KANK1: variants seen among roughly 807,000 people sequenced by gnomAD.
KANK1 encodes KN motif and ankyrin repeat domains 1, also known as KN motif and ankyrin repeat domain-containing protein 1.
Under a neutral mutation model 106.2 loss-of-function variants are expected in KANK1, and 109 were observed. That is an observed-to-expected ratio of 1.03 (90% CI 0.88 to 1.20). The LOEUF is 1.20. KANK1 is among the 50% of genes most tolerant of loss of function. The probability of loss-of-function intolerance (pLI) is 0.00; values close to 1 mark genes in which losing one functional copy is unlikely to be tolerated. For synonymous variants in KANK1, 873 were observed against 652.2 expected (o/e 1.34, Z -5.16); for missense variants, 2,399 against 1,710.7 (o/e 1.40, Z -7.10).
chr9:698,392 A>G (rs1385809807), intron 2 of KANK1, among the ~76,000 whole-genome samples: 1 of 152,120 alleles, frequency 6.6e-6, no homozygotes, highest in Non-Finnish European at 1.5e-5. Flanking sequence ...CGTCCTTCCC[A>G]GGTTAGATTT....
At chr9:706,862 T>G in intron 2 of KANK1, 1 of 985,482 alleles carries the variant, frequency 1.0e-6, no homozygotes, top group Non-Finnish European at 1.2e-6. Flanking sequence ...GGACACAGAC[T>G]CTTTCATGAA....
At chr9:695,807 G>A (rs993836451) in intron 2 of KANK1, among the ~76,000 whole-genome samples, 1 of 152,088 alleles carries the variant, frequency 6.6e-6, no homozygotes, top group Non-Finnish European at 1.5e-5. Context: ...CTAATTTGCC[G>A]ACAGCTGCAA....
At chr9:584,723 G>C (rs951785323) in intron 1 of KANK1, among the ~76,000 whole-genome samples, 2 of 152,202 alleles carry the variant, frequency 1.3e-5, no homozygotes, top group Non-Finnish European at 2.9e-5. Flanking sequence ...AAGGCGGGAA[G>C]GGTTTGCAGT....
intron 1 of KANK1, among the ~76,000 whole-genome samples, chr9:661,440 C>G (rs1433369555): frequency 6.6e-6 from 1 of 152,108 alleles, no homozygotes; most frequent in Non-Finnish European, 1.5e-5. Flanking sequence ...CATGTCCCTA[C>G]AAAGGACATG....
At chr9:598,729 C>G (rs987978301) in intron 1 of KANK1, among the ~76,000 whole-genome samples, 3 of 134,474 alleles carry the variant, frequency 2.2e-5, no homozygotes, top group African/African-American at 8.2e-5. Flanking sequence ...CTCCTGGGTT[C>G]AAGCGATTCT....
intron 3 of KANK1, among the ~76,000 whole-genome samples, chr9:727,951 G>C (rs1831176382): frequency 6.6e-6 from 1 of 152,088 alleles, no homozygotes; most frequent in South Asian, 2.1e-4. Context: ...TTCAGGCCAT[G>C]ATGGGAAGGA....
intron 1 of KANK1, among the ~76,000 whole-genome samples, chr9:675,225 G>A (rs1224610438): frequency 1.3e-5 from 2 of 152,038 alleles, no homozygotes; most frequent in Non-Finnish European, 2.9e-5. Flanking sequence ...TGAATATTTT[G>A]CCTTATTAAA....
At chr9:727,477 C>T (rs536615633) in intron 3 of KANK1, among the ~76,000 whole-genome samples, 1 of 151,810 alleles carries the variant, frequency 6.6e-6, no homozygotes, top group African/African-American at 2.4e-5. Context: ...CCACCATGCC[C>T]AGCTAATTTT....
intron 1 of KANK1, among the ~76,000 whole-genome samples, chr9:540,084 G>C (rs944319850): frequency 6.6e-6 from 1 of 152,172 alleles, no homozygotes; most frequent in African/African-American, 2.4e-5. Flanking sequence ...AATAGAAGTG[G>C]TTAAGAGTGG....
intron 1 of KANK1, 70 bp downstream of exon 1, chr9:504,824 A>C (rs2058665595): frequency 1.2e-5 from 1 of 80,540 alleles, no homozygotes; most frequent in East Asian, 8.2e-4. Flanking sequence ...CGAGGCCCCT[A>C]CCCCTGCCTC....
At chr9:663,305 C>A (rs62530114) in intron 1 of KANK1, among the ~76,000 whole-genome samples, 18,158 of 152,174 alleles carry the variant, frequency 0.12, 1,468 homozygotes, top group Admixed American at 0.16. Context: ...TTAGTTGAAA[C>A]TACCAGCAGT....
At chr9:744,792 C>A in intron 11 of KANK1, 1 of 1,458,542 alleles carries the variant, frequency 6.9e-7, no homozygotes, top group Non-Finnish European at 9.0e-7. Context: ...CTGGACCTTG[C>A]TTGTCCTTGC....
chr9:579,747 A>G (rs765117861), intron 1 of KANK1, among the ~76,000 whole-genome samples: 3 of 152,198 alleles, frequency 2.0e-5, no homozygotes, highest in Non-Finnish European at 4.4e-5. Context: ...TAGATGGAAC[A>G]AAAGCATTCT....
At chr9:706,027 T>C (rs1824061728) in intron 2 of KANK1, among the ~76,000 whole-genome samples, 1 of 152,310 alleles carries the variant, frequency 6.6e-6, no homozygotes, top group South Asian at 2.1e-4. Context: ...GCCTAATTTA[T>C]GTTGATGTAT....
At chr9:682,915 G>A (rs538066145) in intron 2 of KANK1, among the ~76,000 whole-genome samples, 24 of 152,296 alleles carry the variant, frequency 1.6e-4, no homozygotes, top group South Asian at 4.1e-4. Flanking sequence ...CCCCACTCTC[G>A]CTTGTGTAAA....
intron 1 of KANK1, among the ~76,000 whole-genome samples, chr9:510,489 T>G (rs901831418): frequency 1.3e-5 from 2 of 152,150 alleles, no homozygotes; most frequent in African/African-American, 4.8e-5. Context: ...TCTAGATGAT[T>G]AGGAGCTGCT....
At chr9:590,205 G>A (rs1824501245) in intron 1 of KANK1, among the ~76,000 whole-genome samples, 1 of 152,086 alleles carries the variant, frequency 6.6e-6, no homozygotes, top group African/African-American at 2.4e-5. Flanking sequence ...GGGGGTACAT[G>A]GTTTTTTAAT....
chr9:497,882 CAA>C (rs2058483136), intron 3 of KANK1, among the ~76,000 whole-genome samples: 1 of 152,022 alleles, frequency 6.6e-6, no homozygotes, highest in Non-Finnish European at 1.5e-5. Context: ...CCCACACACA[CAA>C]GAGTATAAAG....
chr9:540,588 T>G (rs1274188184), intron 1 of KANK1: 2 of 152,212 alleles, frequency 1.3e-5, no homozygotes, highest in Non-Finnish European at 2.9e-5. Flanking sequence ...TAAGAAGGGT[T>G]GGTGTTAATT....
Sources: gnomAD v4.1 joint callset for allele counts (sites outside exome capture counted in the v4.1 genomes callset) on GRCh38, gnomAD v4.1.1 for gene constraint, MANE v1.5 for transcripts, NCBI Gene and HGNC (gene_info 2026-07-23, HGNC 2026-07-21) for gene names.